The following SHANK2 variants were observed in gnomAD, a reference collection of about 807,000 sequenced individuals.
SHANK2 encodes the protein SH3 and multiple ankyrin repeat domains protein 2.
Under a neutral mutation model 133.7 loss-of-function variants are expected in SHANK2, and 43 were observed. The ratio of observed to expected loss-of-function variants is 0.32; its 90% CI spans 0.25 to 0.41. SHANK2 has a LOEUF of 0.41. Ranked by LOEUF, SHANK2 falls within the 10% of genes least tolerant of loss-of-function variation. SHANK2 has a pLI of 1.00. For missense variants in SHANK2, 1,994 were observed against 2,235.8 expected (o/e 0.89, Z 2.18); for synonymous variants, 1,017 against 952.8 (o/e 1.07, Z -1.24).
At chr11:70,613,660 G>C (rs1345199351) in intron 17 of SHANK2, among the ~76,000 whole-genome samples, 4 of 151,998 alleles carry the variant, frequency 2.6e-5, no homozygotes, top group South Asian at 2.1e-4. Context: ...TGGAAGGAGG[G>C]TCATTACAGA....
intron 10 of SHANK2, among the ~76,000 whole-genome samples, chr11:70,946,259 C>T (rs1555085388): frequency 8.3e-6 from 1 of 121,012 alleles, no homozygotes; most frequent in Admixed American, 8.1e-5. Context: ...CAACCCTTTC[C>T]AGGCTCAACC....
At chr11:70,690,539 C>T (rs1945264243) in intron 15 of SHANK2, among the ~76,000 whole-genome samples, 1 of 103,210 alleles carries the variant, frequency 9.7e-6, no homozygotes, top group Non-Finnish European at 1.7e-5. Flanking sequence ...ATGCTGGTCT[C>T]GAATGCCTGG....
Position 70,813,114 on chromosome 11 carries a change from G to A in SHANK2, c.1494-5943C>T, listed in dbSNP as rs577889512. Among the ~76,000 whole-genome samples, 4 of 152,250 alleles carry A rather than the reference G, an allele frequency of 2.6e-5. No homozygotes were observed. In the East Asian group the frequency reaches 5.8e-4, roughly 22 times the overall value. ...GCAGACCCCCGTGAATGGTAGACACGGATGCAGGCCTCAGGGAGCTGACGG... is the reference window on the plus strand; with the variant it reads ...GCAGACCCCCGTGAATGGTAGACACAGATGCAGGCCTCAGGGAGCTGACGG... On this transcript the variant is annotated intron_variant, in intron 12 of 25. Coordinates refer to ENST00000601538, the MANE Select transcript of SHANK2 (RefSeq NM_012309.5).
At position 70,486,426 on chromosome 11, in the gene SHANK2, G is replaced by A. The variant is rs782804072; in HGVS notation, c.3867C>T (p.Asp1289=). ...TGTTCTTCTTGTCATCGCCTTTCCGGTCTCGGCCCAGGTCGGTCTCGTACT... is the reference window on the plus strand; with the variant it reads ...TGTTCTTCTTGTCATCGCCTTTCCGATCTCGGCCCAGGTCGGTCTCGTACT... The part of the protein sequence containing the change: ...ENKYETDLGR[D]RKGDDKKNML... The change falls in exon 25 of 26, where the codon GAC becomes GAT. Residue 1289 remains aspartate (D), a synonymous_variant. Transcript: ENST00000601538. The surrounding 1 kb of genome is among the most constrained non-coding windows in gnomAD (Gnocchi z 8.0). The A allele has an allele frequency of 3.7e-6, 6 of 1,613,926 alleles. No individual in the cohort carries two copies. In the African/African-American group the frequency reaches 5.3e-5, roughly 14 times the overall value.
intron 16 of SHANK2, 142 bp downstream of exon 16, chr11:70,661,454 T>C: frequency 1.1e-6 from 1 of 896,012 alleles, no homozygotes; most frequent in Non-Finnish European, 1.8e-6. Context: ...AAAATGCTTA[T>C]TTAATGCTTA....
chr11:70,750,072 G>T (rs1337645786), intron 14 of SHANK2, among the ~76,000 whole-genome samples: 1 of 152,162 alleles, frequency 6.6e-6, no homozygotes, highest in African/African-American at 2.4e-5. Flanking sequence ...TAGCAAACCT[G>T]GGCAGATGCT....
At chr11:70,514,547 G>C (rs2059242851) in intron 17 of SHANK2, among the ~76,000 whole-genome samples, 1 of 152,242 alleles carries the variant, frequency 6.6e-6, no homozygotes, top group South Asian at 2.1e-4. Flanking sequence ...CAAGTGTGTA[G>C]ATGTAACACA....
intron 2 of SHANK2, among the ~76,000 whole-genome samples, chr11:71,153,526 C>T (rs1261544063): frequency 6.6e-6 from 1 of 152,224 alleles, no homozygotes; most frequent in East Asian, 1.9e-4. Flanking sequence ...GGTAGACAGA[C>T]TTTTCCACTA....
At chr11:71,077,181 C>T (rs1951232434) in intron 8 of SHANK2, among the ~76,000 whole-genome samples, 1 of 152,136 alleles carries the variant, frequency 6.6e-6, no homozygotes, top group African/African-American at 2.4e-5. Context: ...CTGAAGGATC[C>T]CTGGCTATTT....
In SHANK2 at chr11:71,194,124, C is replaced by T. The variant is rs532865477; in HGVS notation, c.-13+30573G>A. Reference sequence around the variant, plus strand: ...ATCCCCAAGCCTTACTGACACCAAACACATCACCACCCACTCCAGGATGGG... The same window carrying T: ...ATCCCCAAGCCTTACTGACACCAAATACATCACCACCCACTCCAGGATGGG... On this transcript the variant is annotated intron_variant, in intron 2 of 25. Coordinates refer to ENST00000601538, the MANE Select transcript of SHANK2 (RefSeq NM_012309.5). Among the ~76,000 whole-genome samples the T allele has an allele frequency of 3.3e-5, 5 of 152,284 alleles. No individual in the cohort carries two copies. The South Asian group carries it at 1.0e-3, about 32-fold the overall frequency.
intron 2 of SHANK2, among the ~76,000 whole-genome samples, chr11:71,160,681 G>T (rs573604627): frequency 2.0e-5 from 3 of 152,308 alleles, no homozygotes; most frequent in Admixed American, 6.5e-5. Flanking sequence ...AGCCTGAGCT[G>T]CCCAAGACAC....
intron 10 of SHANK2, among the ~76,000 whole-genome samples, chr11:70,908,682 G>A (rs1420855184): frequency 6.6e-6 from 1 of 152,178 alleles, no homozygotes; most frequent in Non-Finnish European, 1.5e-5. Flanking sequence ...TTACCTCCCA[G>A]GGATGCTGGG....
intron 17 of SHANK2, chr11:70,631,118 C>T (rs1438173969): frequency 1.3e-5 from 2 of 152,238 alleles, no homozygotes; most frequent in South Asian, 2.1e-4. Flanking sequence ...CAGCGAGAGC[C>T]CTTCAGAGGA....
chr11:70,501,175 G>C (rs890585356), intron 20 of SHANK2, among the ~76,000 whole-genome samples: 1 of 152,228 alleles, frequency 6.6e-6, no homozygotes, highest in Non-Finnish European at 1.5e-5. Context: ...CCACTGCAGG[G>C]CTGCTGTTTT....
At position 70,486,672 on chromosome 11, in the gene SHANK2, C is replaced by T. The variant is rs1565528717; in HGVS notation, c.3621G>A (p.Gly1207=). Residue 1207 remains glycine, a synonymous_variant, in exon 25 of 26, where the codon GGG becomes GGA. Transcript: ENST00000601538. The surrounding 1 kb of genome is among the most constrained non-coding windows in gnomAD (Gnocchi z 8.0). ...GCGGGGAGCTGGGATCAAGCAGCCG[C>T]CCTGTGAGTGGGTGGACATAATTCC... ...GPGNYVHPLT[G]RLLDPSSPLA... 3 of 1,611,796 alleles carry T rather than the reference C, an allele frequency of 1.9e-6. No individual in the cohort carries two copies. The highest frequency in any genetic ancestry group is 2.5e-6 in the Non-Finnish European group (3 of 1,180,012).
chr11:70,920,247 T>C (rs1950331165), intron 10 of SHANK2, among the ~76,000 whole-genome samples: 1 of 152,140 alleles, frequency 6.6e-6, no homozygotes, highest in African/African-American at 2.4e-5. Context: ...AATAGAAATA[T>C]TATGTATGTA....
chr11:70,797,829 T>C (rs1206574413), intron 14 of SHANK2, among the ~76,000 whole-genome samples: 3 of 64,752 alleles, frequency 4.6e-5, no homozygotes, highest in Non-Finnish European at 8.5e-5. Context: ...TCCTCCACTC[T>C]CATACACACA....
chr11:70,866,628 G>T (rs77580278), intron 11 of SHANK2, among the ~76,000 whole-genome samples: 1 of 152,122 alleles, frequency 6.6e-6, no homozygotes, highest in Non-Finnish European at 1.5e-5. Context: ...TTTACAAGGA[G>T]TAAGGATAAA....
At chr11:70,713,117 C>T (rs1945829603) in intron 14 of SHANK2, among the ~76,000 whole-genome samples, 1 of 152,238 alleles carries the variant, frequency 6.6e-6, no homozygotes. Flanking sequence ...AGGGGAGGCA[C>T]CAGCCCTGTC....
Sources: allele counts gnomAD v4.1 joint callset (sites outside exome capture counted in the v4.1 genomes callset), GRCh38; gene constraint gnomAD v4.1.1; non-coding constraint Gnocchi (gnomAD v3.1); transcripts MANE v1.5; gene names NCBI Gene and HGNC (gene_info 2026-07-23, HGNC 2026-07-21).